The following SORCS3 variants were observed in gnomAD, a reference collection of about 807,000 sequenced individuals.
SORCS3 encodes sortilin related VPS10 domain containing receptor 3, also known as VPS10 domain-containing receptor SorCS3.
Under a neutral mutation model 146.3 loss-of-function variants are expected in SORCS3, and 57 were observed. The ratio of observed to expected loss-of-function variants is 0.39; its 90% CI spans 0.31 to 0.49. SORCS3 has a LOEUF of 0.49. SORCS3 is among the 20% of genes least tolerant of loss of function. The pLI is 0.92. For synonymous variants in SORCS3, 653 were observed against 618.5 expected, an observed-to-expected ratio of 1.06 and a Z score of -0.83; for missense variants, 1,341 against 1,575.5, an observed-to-expected ratio of 0.85 and a Z score of 2.52.
At chr10:104,909,992 C>T (rs1023341993) in intron 2 of SORCS3, among the ~76,000 whole-genome samples, 4 of 152,078 alleles carry the variant, frequency 2.6e-5, no homozygotes, top group African/African-American at 7.2e-5. Context: ...GGGGTTCCTC[C>T]CACAATGTAC....
chr10:105,017,286 G>C (rs530841356), intron 4 of SORCS3, among the ~76,000 whole-genome samples: 3 of 151,838 alleles, frequency 2.0e-5, no homozygotes, highest in South Asian at 2.1e-4. Context: ...CCTGCCTTAG[G>C]GGGGCAGTTG....
intron 5 of SORCS3, among the ~76,000 whole-genome samples, chr10:105,055,287 A>G (rs1424471154): frequency 6.6e-6 from 1 of 152,216 alleles, no homozygotes; most frequent in Non-Finnish European, 1.5e-5. Context: ...GGACACATAT[A>G]GTTGCTAGTC....
At chr10:104,970,247 A>G (rs1315050908) in intron 3 of SORCS3, among the ~76,000 whole-genome samples, 1 of 152,076 alleles carries the variant, frequency 6.6e-6, no homozygotes, top group African/African-American at 2.4e-5. Context: ...CTAGGGTTCA[A>G]GTGATTCTCA....
intron 1 of SORCS3, among the ~76,000 whole-genome samples, chr10:104,760,428 A>G (rs561562171): frequency 6.6e-6 from 1 of 152,264 alleles, no homozygotes; most frequent in South Asian, 2.1e-4. Context: ...GTGCATCAAG[A>G]AGCAACAAAG....
At chr10:104,721,394 T>G (rs1301489931) in intron 1 of SORCS3, among the ~76,000 whole-genome samples, 1 of 152,230 alleles carries the variant, frequency 6.6e-6, no homozygotes, top group Admixed American at 6.5e-5. Flanking sequence ...GTAGTATAGT[T>G]TGAAGTCAGG....
chr10:104,701,599 G>A (rs1385873547), intron 1 of SORCS3, among the ~76,000 whole-genome samples: 1 of 152,136 alleles, frequency 6.6e-6, no homozygotes, highest in Admixed American at 6.6e-5. Flanking sequence ...ATTTATTGTA[G>A]TACTGCATTC....
chr10:104,897,215 G>A (rs2018807069), intron 2 of SORCS3, among the ~76,000 whole-genome samples: 1 of 152,140 alleles, frequency 6.6e-6, no homozygotes. Context: ...CAGTCTGTGG[G>A]CCTATCATGT....
At chr10:104,728,073 A>C (rs1303965582) in intron 1 of SORCS3, among the ~76,000 whole-genome samples, 1 of 146,666 alleles carries the variant, frequency 6.8e-6, no homozygotes, top group Non-Finnish European at 1.5e-5. Context: ...CTATCTATCT[A>C]ATCTATCTGT....
chr10:105,147,858 A>C, intron 9 of SORCS3, 62 bp downstream of exon 9: 1 of 1,430,310 alleles, frequency 7.0e-7, no homozygotes. Context: ...TTTTAATGGT[A>C]TAAACACAAG....
At chr10:104,777,023 G>A (rs1220715372) in intron 1 of SORCS3, among the ~76,000 whole-genome samples, 1 of 151,764 alleles carries the variant, frequency 6.6e-6, no homozygotes, top group Non-Finnish European at 1.5e-5. Context: ...GGGGGGTGGA[G>A]GCTTTGGGGG....
chr10:105,103,156 G>T (rs1223519443), intron 6 of SORCS3, among the ~76,000 whole-genome samples: 1 of 152,098 alleles, frequency 6.6e-6, no homozygotes, highest in Admixed American at 6.6e-5. Context: ...ATTCTGTGTG[G>T]AGGAGCAGTT....
chr10:104,721,090 T>C lies in SORCS3; in HGVS notation c.627+79136T>C, dbSNP rs112385275. Among the ~76,000 whole-genome samples the C allele has an allele frequency of 1.1e-4, 16 of 152,352 alleles. 2 individuals carry two copies. Among genetic ancestry groups the C allele is most frequent in the African/African-American group, 3.4e-4 (14 of 41,588 alleles). Reference sequence around the variant, plus strand: ...GAATGGTATTACCTAGGTTTTCTTCTAGGGTTTTGATGGTTTTCGGTCTAA... The same window carrying C: ...GAATGGTATTACCTAGGTTTTCTTCCAGGGTTTTGATGGTTTTCGGTCTAA... On this transcript the variant is annotated intron_variant, in intron 1 of 26. Coordinates refer to ENST00000369701, the MANE Select transcript of SORCS3 (RefSeq NM_014978.3).
At chr10:105,159,244 A>T (rs1441198573) in intron 11 of SORCS3, among the ~76,000 whole-genome samples, 2 of 152,220 alleles carry the variant, frequency 1.3e-5, no homozygotes, top group African/African-American at 2.4e-5. Context: ...GGAAGAGGCC[A>T]GAGTTTCTCT....
intron 5 of SORCS3, among the ~76,000 whole-genome samples, chr10:105,088,818 C>T (rs2055681519): frequency 6.6e-6 from 1 of 152,192 alleles, no homozygotes; most frequent in Admixed American, 6.5e-5. Context: ...TCTTGGGTCT[C>T]ACCATTTTCA....
intron 20 of SORCS3, among the ~76,000 whole-genome samples, chr10:105,231,335 A>G (rs927827278): frequency 1.1e-4 from 16 of 152,314 alleles, no homozygotes; most frequent in African/African-American, 3.8e-4. Context: ...GGTATACAGG[A>G]AAGTGATCAA....
chr10:105,209,732 T>C (rs1564785458), intron 16 of SORCS3, among the ~76,000 whole-genome samples: 1 of 152,104 alleles, frequency 6.6e-6, no homozygotes, highest in Non-Finnish European at 1.5e-5. Flanking sequence ...CCTGAGGGAT[T>C]ACATATAGAA....
chr10:104,966,493 CT>C (rs976372737), intron 3 of SORCS3, among the ~76,000 whole-genome samples: 3 of 152,086 alleles, frequency 2.0e-5, no homozygotes, highest in African/African-American at 7.2e-5. Context: ...TATAGCCTTT[CT>C]TTTTTTATAT....
chr10:105,055,080 C>G (rs2055437542), intron 5 of SORCS3, among the ~76,000 whole-genome samples: 1 of 152,084 alleles, frequency 6.6e-6, no homozygotes, highest in African/African-American at 2.4e-5. Flanking sequence ...CATGGTTTGT[C>G]TCTCTTTTTA....
chr10:105,123,407 CA>C (rs926538760), intron 7 of SORCS3, among the ~76,000 whole-genome samples: 1 of 152,120 alleles, frequency 6.6e-6, no homozygotes, highest in Non-Finnish European at 1.5e-5. Context: ...CAGTATCAAA[CA>C]AAAAAGATAC....
Sources: gnomAD v4.1 joint callset for allele counts (sites outside exome capture counted in the v4.1 genomes callset) on GRCh38, gnomAD v4.1.1 for gene constraint, MANE v1.5 for transcripts, NCBI Gene and HGNC (gene_info 2026-07-23, HGNC 2026-07-21) for gene names.